CNST: variants seen among roughly 807,000 people sequenced by gnomAD.
CNST encodes the protein consortin, connexin sorting protein, also known as consortin.
CNST carries 39 observed loss-of-function variants against 72.4 expected under a neutral mutation model. The observed-to-expected ratio is 0.54, with a 90% CI of 0.42 to 0.70. The LOEUF (loss-of-function observed/expected upper bound fraction) is 0.70, where lower values mean the gene tolerates loss of function less well. CNST is among the 30% of genes least tolerant of loss of function. The pLI is 0.00. For missense variants in CNST, 871 were observed against 868.5 expected (o/e 1.00, Z -0.04); for synonymous variants, 332 against 320.1 (o/e 1.04, Z -0.40).
chr1:246,574,037 G>A (rs1660223589), intron 1 of CNST, among the ~76,000 whole-genome samples: 2 of 152,114 alleles, frequency 1.3e-5, no homozygotes, highest in Admixed American at 6.5e-5. Context: ...AAGTAATAAT[G>A]CTCCAAAGAT....
chr1:246,615,993 C>A (rs909414834), intron 2 of CNST, among the ~76,000 whole-genome samples: 10 of 152,118 alleles, frequency 6.6e-5, no homozygotes, highest in African/African-American at 2.4e-4. Flanking sequence ...TATGAATGTG[C>A]CTGTTACTGT....
At chr1:246,652,305 T>C (rs1006352100) in intron 9 of CNST, among the ~76,000 whole-genome samples, 1 of 152,182 alleles carries the variant, frequency 6.6e-6, no homozygotes, top group Non-Finnish European at 1.5e-5. Context: ...AAATGTGCCA[T>C]GTAAACTCAG....
chr1:246,601,846 T>C (rs1490441847), intron 2 of CNST, among the ~76,000 whole-genome samples: 1 of 152,126 alleles, frequency 6.6e-6, no homozygotes, highest in Non-Finnish European at 1.5e-5. Flanking sequence ...CAAGGGTGTA[T>C]AGTCTGCTTC....
Position 246,668,308 on chromosome 1 carries a change from A to G in CNST, c.*2403A>G, listed in dbSNP as rs941460020. 2.0e-4 allele frequency: 30 copies of G among 152,218 alleles called. No homozygotes were observed. Among genetic ancestry groups the G allele is most frequent in the African/African-American group, 7.0e-4 (29 of 41,448 alleles). 9.4% of individuals were successfully genotyped at this position (152,218 alleles called of 1,614,324 possible). A position where few individuals can be genotyped will look rare whatever the true frequency, so the allele number is the denominator to read the frequency against. Reference sequence around the variant, plus strand: ...TTAAGAACTGTATTTGAGGGTATCAAATCAAGCTTGTAATTTAAAATCTGT... The same window carrying G: ...TTAAGAACTGTATTTGAGGGTATCAGATCAAGCTTGTAATTTAAAATCTGT... On this transcript the variant is annotated 3_prime_UTR_variant, in exon 11 of 11. Transcript: ENST00000366513.
chr1:246,583,929 G>T (rs76160610), intron 1 of CNST, among the ~76,000 whole-genome samples: 2,984 of 152,238 alleles, frequency 0.02, 96 homozygotes, highest in African/African-American at 0.068. Flanking sequence ...ATGTGAATTT[G>T]CCTGTAACTG....
At chr1:246,567,273 A>G (rs1253209607) in intron 1 of CNST, among the ~76,000 whole-genome samples, 2 of 152,212 alleles carry the variant, frequency 1.3e-5, no homozygotes. Flanking sequence ...TTAGTCAAAC[A>G]CATCGTACTG....
chr1:246,591,452 A>G (rs1661536075), intron 1 of CNST, 60 bp from the exon 2 acceptor site: 1 of 1,172,562 alleles, frequency 8.5e-7, no homozygotes, highest in Admixed American at 2.2e-5. Context: ...AAAATCAAAG[A>G]TCACTGAGAA....
chr1:246,579,391 A>G (rs1002113793), intron 1 of CNST, among the ~76,000 whole-genome samples: 1 of 152,184 alleles, frequency 6.6e-6, no homozygotes, highest in Non-Finnish European at 1.5e-5. Flanking sequence ...CCAAGGAGCA[A>G]TGCTGTTTCA....
At chr1:246,652,735 T>C (rs1319576539) in intron 9 of CNST, among the ~76,000 whole-genome samples, 1 of 152,010 alleles carries the variant, frequency 6.6e-6, no homozygotes, top group Non-Finnish European at 1.5e-5. Context: ...CCGGGCACAG[T>C]GGCTCACGCC....
At chr1:246,582,150 C>T (rs1327242665) in intron 1 of CNST, among the ~76,000 whole-genome samples, 1 of 152,092 alleles carries the variant, frequency 6.6e-6, no homozygotes, top group Non-Finnish European at 1.5e-5. Context: ...TTTACTGGCC[C>T]TTCACACAAA....
At chr1:246,634,920 G>A (rs1187236445) in intron 6 of CNST, among the ~76,000 whole-genome samples, 3 of 128,292 alleles carry the variant, frequency 2.3e-5, no homozygotes, top group South Asian at 2.9e-4. Context: ...CGGCTACGTG[G>A]TACCTGGATG....
At chr1:246,589,369 G>T (rs1258508648) in intron 1 of CNST, among the ~76,000 whole-genome samples, 1 of 150,786 alleles carries the variant, frequency 6.6e-6, no homozygotes, top group Non-Finnish European at 1.5e-5. Flanking sequence ...GCGGTGTTTG[G>T]TTTTTTGTCC....
chr1:246,602,398 T>C (rs1662346503), intron 2 of CNST, among the ~76,000 whole-genome samples: 1 of 152,180 alleles, frequency 6.6e-6, no homozygotes, highest in African/African-American at 2.4e-5. Context: ...GCTATAGTCA[T>C]CTCAAGGTTT....
intron 9 of CNST, 167 bp downstream of exon 9, chr1:246,648,204 T>G: frequency 7.1e-7 from 1 of 1,402,236 alleles, no homozygotes; most frequent in Non-Finnish European, 9.2e-7. Flanking sequence ...TTGTATGTAT[T>G]GAATAAAATG....
At chr1:246,624,004 A>G (rs1292401097) in intron 3 of CNST, among the ~76,000 whole-genome samples, 1 of 152,116 alleles carries the variant, frequency 6.6e-6, no homozygotes, top group Non-Finnish European at 1.5e-5. Flanking sequence ...TTGAGGCTGC[A>G]ATGAGCCGTG....
At chr1:246,664,097 C>T (rs771837099) in intron 10 of CNST, among the ~76,000 whole-genome samples, 27 of 152,172 alleles carry the variant, frequency 1.8e-4, no homozygotes, top group Non-Finnish European at 3.4e-4. Flanking sequence ...AAAATTAAAT[C>T]ATGAGTCTTA....
In CNST at chr1:246,660,326, T is replaced by C; in HGVS notation, c.1964T>C (p.Leu655Ser). ...RVRFQEIDDS[L>S]DQDEVGGGSC... is the part of the protein sequence containing the mutation. ...AGATTCCAAGAAATAGACGATAGCTTGGATCAAGGTAAACCGCTTGGCACT... is the reference window on the plus strand; with the variant it reads ...AGATTCCAAGAAATAGACGATAGCTCGGATCAAGGTAAACCGCTTGGCACT... The change falls in exon 10 of 11, where the codon TTG becomes TCG. Residue 655 changes from leucine (L) to serine (S), a missense_variant. Transcript: ENST00000366513. 1 of 1,613,244 alleles carries C rather than the reference T, an allele frequency of 6.2e-7. No individual in the cohort carries two copies. The highest frequency in any genetic ancestry group is 8.5e-7 in the Non-Finnish European group (1 of 1,179,776).
chr1:246,591,748 A>C lies in CNST; in HGVS notation c.186A>C (p.Gln62His), dbSNP rs1404917424. Reference sequence around the variant, plus strand: ...GTGACAGTGCGATGGGAAAGCCCCAAGTGTCTGAGCAGGACAGTCTCAATA... The same window carrying C: ...GTGACAGTGCGATGGGAAAGCCCCACGTGTCTGAGCAGGACAGTCTCAATA... ...TSSDSAMGKP[Q>H]VSEQDSLNNN... Residue 62 changes from glutamine (Q) to histidine (H), a missense_variant, in exon 2 of 11, where the codon CAA becomes CAC. Gln to His is a conservative substitution (Grantham distance 24). Transcript: ENST00000366513. 1.3e-5 allele frequency: 21 copies of C among 1,614,104 alleles called. No individual in the cohort carries two copies. Among genetic ancestry groups the C allele is most frequent in the Non-Finnish European group, 1.8e-5 (21 of 1,180,062 alleles).
chr1:246,596,697 G>GCCACTTACATATTAGCAC (rs1157375783), intron 2 of CNST, among the ~76,000 whole-genome samples: 1 of 152,124 alleles, frequency 6.6e-6, no homozygotes, highest in African/African-American at 2.4e-5. Flanking sequence ...ACACAAAGCA[G>GCCACTTACATATTAGCAC]CCACTTACAT....
Sources: allele counts gnomAD v4.1 joint callset (sites outside exome capture counted in the v4.1 genomes callset), GRCh38; gene constraint gnomAD v4.1.1; transcripts MANE v1.5; gene names NCBI Gene and HGNC (gene_info 2026-07-23, HGNC 2026-07-21).